TAGLN3: variants seen among roughly 807,000 people sequenced by gnomAD.
The protein encoded by TAGLN3 is transgelin 3.
In TAGLN3, 12 loss-of-function variants were observed where a neutral mutation model predicts 25.4. The observed-to-expected ratio is 0.47, with a 90% CI of 0.30 to 0.77. The LOEUF is 0.77. Ranked by LOEUF, TAGLN3 falls within the 30% of genes least tolerant of loss-of-function variation. The pLI is 0.06. For synonymous variants in TAGLN3, 96 were observed against 94.8 expected (o/e 1.01, Z -0.08); for missense variants, 218 against 255.8 (o/e 0.85, Z 1.01).
At chr3:112,006,643 G>A (rs1019485118) in intron 3 of TAGLN3, among the ~76,000 whole-genome samples, 5 of 152,200 alleles carry the variant, frequency 3.3e-5, no homozygotes, top group African/African-American at 1.2e-4. Context: ...TTGACTGCAA[G>A]ACTGATTTTT....
intron 3 of TAGLN3, among the ~76,000 whole-genome samples, chr3:112,010,390 T>C (rs774147034): frequency 1.1e-4 from 17 of 152,194 alleles, no homozygotes; most frequent in Non-Finnish European, 2.1e-4. Flanking sequence ...CCTTTAATAG[T>C]TCACTGCCTA....
chr3:112,001,048 T>A, intron 3 of TAGLN3, 102 bp downstream of exon 3: 1 of 1,020,464 alleles, frequency 9.8e-7, no homozygotes, highest in African/African-American at 1.6e-5. Context: ...CCGATTGATG[T>A]GTGTAAGATG....
chr3:112,003,644 A>G (rs1415727258), intron 3 of TAGLN3, among the ~76,000 whole-genome samples: 1 of 152,142 alleles, frequency 6.6e-6, no homozygotes, highest in Admixed American at 6.5e-5. Flanking sequence ...TGCTGTCCTC[A>G]CATATCAACT....
rs553634675 is a variant in TAGLN3 at position 112,013,619 on chromosome 3, A to G, written c.*68A>G. On this transcript the variant is annotated 3_prime_UTR_variant, in exon 5 of 5. Transcript: ENST00000478951. ...ACCATGGTCTCTACGAAAAAGAAAT[A>G]GTTAGTCACCTTCTGACCTTCTCCT... 4.4e-6 allele frequency: 7 copies of G among 1,606,668 alleles called. No individual in the cohort carries two copies. In the South Asian group the frequency reaches 7.7e-5, roughly 18 times the overall value.
rs570238492 is a variant in TAGLN3 at position 112,002,606 on chromosome 3, T to A, written c.355+1660T>A. Among the ~76,000 whole-genome samples, 12 of 151,206 alleles carry A rather than the reference T, an allele frequency of 7.9e-5. No individual in the cohort carries two copies. The South Asian group carries it at 1.0e-3, about 13-fold the overall frequency. ...CTCAGGACTGTGTAGGACAGAAGGA[T>A]AGGAGAGTCAGTGTGAATGGAAGGG... On this transcript the variant is annotated intron_variant, in intron 3 of 4. Transcript: ENST00000478951.
intron 3 of TAGLN3, among the ~76,000 whole-genome samples, chr3:112,005,585 A>G (rs1384184406): frequency 1.3e-5 from 2 of 152,004 alleles, no homozygotes; most frequent in Non-Finnish European, 2.9e-5. Flanking sequence ...CAACAGCAAG[A>G]GTGAAGAGGT....
chr3:112,008,357 C>T (rs943641556), intron 3 of TAGLN3, among the ~76,000 whole-genome samples: 1 of 152,048 alleles, frequency 6.6e-6, no homozygotes, highest in East Asian at 1.9e-4. Flanking sequence ...CTCTGTTGCC[C>T]AGGCTGGAGT....
Position 112,013,711 on chromosome 3 carries a change from T to G in TAGLN3, c.*160T>G. 1 of 1,045,580 alleles carries G rather than the reference T, an allele frequency of 9.6e-7. No homozygotes were observed. The highest frequency in any genetic ancestry group is 1.4e-6 in the Non-Finnish European group (1 of 690,288). The allele number at this position is 1,045,580 out of a possible 1,614,324, so 64.8% of individuals were successfully genotyped here. ...ATTTCCGCCGAGAATCCGCGTTGCC[T>G]ACTGCTGCCACCTCCTGTTCATTTA... On this transcript the variant is annotated 3_prime_UTR_variant, in exon 5 of 5. Transcript: ENST00000478951.
chr3:112,005,702 C>CT (rs761424017), intron 3 of TAGLN3, among the ~76,000 whole-genome samples: 5,695 of 30,180 alleles, frequency 0.19, 342 homozygotes, highest in East Asian at 0.49. Context: ...TCTTTTTTTT[C>CT]TTTTTTTTTT....
Position 112,000,834 on chromosome 3 carries a change from A to G in TAGLN3, c.243A>G (p.Ser81=), listed in dbSNP as rs749732974. Residue 81 remains serine, a synonymous_variant, in exon 3 of 5, where the codon TCA becomes TCG. Coordinates refer to ENST00000478951, the MANE Select transcript of TAGLN3 (RefSeq NM_001008272.2). ...PPGQEPIPKI[S]ESKMAFKQME... ...GACAAGAGCCCATACCCAAGATCTC[A>G]GAGTCAAAGATGGCTTTTAAGCAGA... The G allele has an allele frequency of 1.9e-5, 31 of 1,612,842 alleles. No individual in the cohort carries two copies. The highest frequency in any genetic ancestry group is 2.5e-5 in the Non-Finnish European group (29 of 1,178,902).
intron 1 of TAGLN3, 140 bp downstream of exon 1, chr3:111,999,254 C>T: frequency 1.5e-6 from 1 of 687,718 alleles, no homozygotes; most frequent in Non-Finnish European, 2.3e-6. Context: ...TAGGTGAAAC[C>T]CCATTGGCTT....
Position 112,000,934 on chromosome 3 carries a change from G to A in TAGLN3, c.343G>A (p.Asp115Asn), listed in dbSNP as rs1180200425. 1 of 1,613,948 alleles carries A rather than the reference G, an allele frequency of 6.2e-7. No homozygotes were observed. Among genetic ancestry groups the A allele is most frequent in the South Asian group, 1.1e-5 (1 of 91,048 alleles). Residue 115 changes from aspartate to asparagine, a missense_variant, in exon 3 of 5, where the codon GAT (aspartate) becomes AAT (asparagine). Physicochemically the swap from Asp to Asn is conservative, Grantham distance 23. Transcript: ENST00000478951. ...VRTTDIFQTV[D>N]LWEGKDMAAV... Reference sequence around the variant, plus strand: ...AACCACCGACATCTTTCAGACGGTGGATCTATGGGAAGGTAAACAGCCCCC... The same window carrying A: ...AACCACCGACATCTTTCAGACGGTGAATCTATGGGAAGGTAAACAGCCCCC...
At position 112,013,402 on chromosome 3, in the gene TAGLN3, T is replaced by C. The variant is rs1265527753; in HGVS notation, c.459-8T>C. On this transcript the variant is annotated splice_region_variant and splice_polypyrimidine_tract_variant and intron_variant, in intron 4 of 4. Transcript: ENST00000478951. The stretch of plus-strand genomic sequence containing the variant: ...ATGACATTATTCCCTCTCACTTTCC[T>C]TGTCCAGGAAAGCCCAGCAGAATCG... 4 of 1,607,608 alleles carry C rather than the reference T, an allele frequency of 2.5e-6. No homozygotes were observed. The African/African-American group carries it at 5.4e-5, about 22-fold the overall frequency.
intron 3 of TAGLN3, among the ~76,000 whole-genome samples, chr3:112,002,993 C>T (rs2072878249): frequency 6.6e-6 from 1 of 151,954 alleles, no homozygotes. Context: ...TCCAGGGCAA[C>T]AAGACAGACA....
intron 3 of TAGLN3, among the ~76,000 whole-genome samples, chr3:112,004,925 A>G (rs182661918): frequency 6.6e-6 from 1 of 152,224 alleles, no homozygotes; most frequent in African/African-American, 2.4e-5. Context: ...CTCATCAGAT[A>G]TTCTCTAATA....
At chr3:112,006,744 A>G (rs1448391057) in intron 3 of TAGLN3, among the ~76,000 whole-genome samples, 2 of 152,222 alleles carry the variant, frequency 1.3e-5, no homozygotes, top group Non-Finnish European at 2.9e-5. Context: ...CTTTGCCTTT[A>G]TCCTTTTCAT....
At chr3:112,004,048 A>G (rs2072890882) in intron 3 of TAGLN3, among the ~76,000 whole-genome samples, 1 of 152,244 alleles carries the variant, frequency 6.6e-6, no homozygotes, top group African/African-American at 2.4e-5. Flanking sequence ...ACCCAAAGCT[A>G]AATGGTCCAG....
chr3:112,006,569 G>A (rs2072919515), intron 3 of TAGLN3, among the ~76,000 whole-genome samples: 1 of 152,178 alleles, frequency 6.6e-6, no homozygotes, highest in African/African-American at 2.4e-5. Flanking sequence ...AGTATTCTAA[G>A]AGTTACAAGG....
intron 1 of TAGLN3, 57 bp from the exon 2 acceptor site, chr3:111,999,364 G>C (rs910089653): frequency 1.3e-6 from 2 of 1,579,222 alleles, no homozygotes; most frequent in East Asian, 2.3e-5. Context: ...GCAGGGAGCC[G>C]GAGGCTGCTG....
Sources: allele counts gnomAD v4.1 joint callset (sites outside exome capture counted in the v4.1 genomes callset), GRCh38; gene constraint gnomAD v4.1.1; transcripts MANE v1.5; gene names NCBI Gene and HGNC (gene_info 2026-07-23, HGNC 2026-07-21).